The following CTNND2 variants were observed in gnomAD, a reference collection of about 807,000 sequenced individuals.
CTNND2 encodes catenin delta-2.
A neutral mutation model predicts 144.4 loss-of-function variants in CTNND2; 22 were observed. That is an observed-to-expected ratio of 0.15 (90% CI 0.11 to 0.22). CTNND2 has a LOEUF of 0.22. Ranked by LOEUF, CTNND2 falls within the 10% of genes least tolerant of loss-of-function variation. The pLI, the probability that CTNND2 is intolerant of heterozygous loss-of-function variation, is 1.00. For missense variants in CTNND2, 1,353 were observed against 1,618.8 expected (o/e 0.84, Z 2.82); for synonymous variants, 751 against 695.6 (o/e 1.08, Z -1.25).
chr5:11,282,796 C>T (rs1747296186), intron 9 of CTNND2, among the ~76,000 whole-genome samples: 2 of 152,158 alleles, frequency 1.3e-5, no homozygotes, highest in African/African-American at 2.4e-5. Context: ...TTTTTATCTT[C>T]AATTGTTTAT....
chr5:11,154,224 A>G (rs1036359093), intron 12 of CTNND2, among the ~76,000 whole-genome samples: 46 of 152,178 alleles, frequency 3.0e-4, no homozygotes, highest in African/African-American at 1.0e-3. Context: ...AAATCCATGC[A>G]ATGTTCAGAA....
At chr5:11,198,279 AATT>A (rs1219415523) in intron 11 of CTNND2, among the ~76,000 whole-genome samples, 2 of 152,244 alleles carry the variant, frequency 1.3e-5, no homozygotes, top group African/African-American at 4.8e-5. Context: ...CAATTTTAAC[AATT>A]ATTATTTTTT....
intron 5 of CTNND2, among the ~76,000 whole-genome samples, chr5:11,406,041 G>C (rs1436249009): frequency 1.3e-5 from 2 of 152,064 alleles, no homozygotes; most frequent in South Asian, 2.1e-4. Flanking sequence ...CAGCTACTTG[G>C]GAGGCTGAGG....
intron 12 of CTNND2, among the ~76,000 whole-genome samples, chr5:11,129,082 T>TATATATATTATATATAAATAAA (rs1755151301): frequency 5.5e-5 from 1 of 18,114 alleles, no homozygotes; most frequent in African/African-American, 1.2e-4. Flanking sequence ...ATAAATAAAA[T>TATATATATTATATATAAATAAA]ATATATATTA....
intron 2 of CTNND2, among the ~76,000 whole-genome samples, chr5:11,654,559 CAT>C (rs1238501410): frequency 6.6e-6 from 1 of 151,794 alleles, no homozygotes; most frequent in African/African-American, 2.4e-5. Context: ...TGTATAGAAA[CAT>C]GAGTGATTTT....
At chr5:11,430,510 C>T (rs548025114) in intron 3 of CTNND2, among the ~76,000 whole-genome samples, 21 of 151,680 alleles carry the variant, frequency 1.4e-4, no homozygotes, top group African/African-American at 5.1e-4. Context: ...CAGGAAAGTT[C>T]CCAAAACATC....
intron 18 of CTNND2, among the ~76,000 whole-genome samples, chr5:11,009,109 C>T (rs1740794046): frequency 6.6e-6 from 1 of 152,216 alleles, no homozygotes; most frequent in African/African-American, 2.4e-5. Context: ...CTTCCCTGGT[C>T]TGTGTGTAGT....
intron 2 of CTNND2, among the ~76,000 whole-genome samples, chr5:11,694,666 A>C (rs1785064718): frequency 6.6e-6 from 1 of 152,228 alleles, no homozygotes; most frequent in African/African-American, 2.4e-5. Flanking sequence ...GCTCACAAAC[A>C]TGAAATTCTC....
chr5:11,733,146 G>T (rs1787486600), intron 1 of CTNND2, among the ~76,000 whole-genome samples: 1 of 152,124 alleles, frequency 6.6e-6, no homozygotes, highest in Non-Finnish European at 1.5e-5. Context: ...TCTCTGAGCT[G>T]CTCTGGCAAA....
intron 3 of CTNND2, among the ~76,000 whole-genome samples, chr5:11,542,207 C>T (rs937956735): frequency 6.6e-6 from 1 of 152,108 alleles, no homozygotes; most frequent in Non-Finnish European, 1.5e-5. Context: ...CGGATCCCTG[C>T]ATCATGCTGC....
At chr5:11,626,859 C>T (rs1235775282) in intron 2 of CTNND2, among the ~76,000 whole-genome samples, 2 of 152,148 alleles carry the variant, frequency 1.3e-5, no homozygotes, top group Non-Finnish European at 2.9e-5. Flanking sequence ...TTGAAGAACC[C>T]ATTAGTGTTT....
At chr5:11,722,041 G>A (rs985415094) in intron 2 of CTNND2, among the ~76,000 whole-genome samples, 1 of 152,108 alleles carries the variant, frequency 6.6e-6, no homozygotes, top group Admixed American at 6.5e-5. Context: ...TGTTTACTTC[G>A]CCTTCCTGCA....
intron 5 of CTNND2, among the ~76,000 whole-genome samples, chr5:11,406,815 T>C (rs968166962): frequency 6.9e-6 from 1 of 144,040 alleles, no homozygotes; most frequent in Non-Finnish European, 1.5e-5. Flanking sequence ...TGAAAACTTA[T>C]AATAATATGT....
intron 2 of CTNND2, among the ~76,000 whole-genome samples, chr5:11,655,262 T>A (rs1400694853): frequency 2.1e-5 from 3 of 142,620 alleles, no homozygotes; most frequent in Non-Finnish European, 4.7e-5. Context: ...GACTTAACTA[T>A]TTTTTTTTTT....
At chr5:11,717,026 C>T (rs1414496091) in intron 2 of CTNND2, among the ~76,000 whole-genome samples, 7 of 151,828 alleles carry the variant, frequency 4.6e-5, no homozygotes, top group Admixed American at 1.3e-4. Flanking sequence ...CACCACAATG[C>T]CCAGCTAATT....
At chr5:11,253,077 A>G (rs963071711) in intron 9 of CTNND2, among the ~76,000 whole-genome samples, 1 of 152,158 alleles carries the variant, frequency 6.6e-6, no homozygotes, top group East Asian at 1.9e-4. Context: ...AGGTTATTCC[A>G]GGGCCCAGGG....
chr5:11,242,034 G>T (rs1388122734), intron 9 of CTNND2, among the ~76,000 whole-genome samples: 1 of 151,838 alleles, frequency 6.6e-6, no homozygotes, highest in Non-Finnish European at 1.5e-5. Context: ...GGAACAGGGG[G>T]AGTTGGAGCA....
intron 3 of CTNND2, among the ~76,000 whole-genome samples, chr5:11,532,692 A>G (rs552772688): frequency 1.3e-5 from 2 of 152,336 alleles, no homozygotes; most frequent in African/African-American, 4.8e-5. Flanking sequence ...AATTATTTCT[A>G]TAGGTTCAAT....
chr5:11,044,556 A>G (rs1745033556), intron 16 of CTNND2, among the ~76,000 whole-genome samples: 1 of 151,010 alleles, frequency 6.6e-6, no homozygotes. Context: ...ATATATATAT[A>G]TATATATAAA....
Sources: allele counts gnomAD v4.1 joint callset (sites outside exome capture counted in the v4.1 genomes callset), GRCh38; gene constraint gnomAD v4.1.1; transcripts MANE v1.5; gene names NCBI Gene and HGNC (gene_info 2026-07-23, HGNC 2026-07-21).